The following MYH9 variants were observed in gnomAD, a reference collection of about 807,000 sequenced individuals.
MYH9 encodes the protein myosin heavy chain 9.
Under a neutral mutation model 241.9 loss-of-function variants are expected in MYH9, and 29 were observed. That is an observed-to-expected ratio of 0.12 (90% confidence interval 0.09 to 0.16). MYH9 has a LOEUF of 0.16. Among genes scored for constraint, MYH9 ranks in the 10% least tolerant of loss-of-function variants. The pLI is 1.00. For synonymous variants in MYH9, 1,047 were observed against 1,062.6 expected (o/e 0.99, Z 0.29); for missense variants, 1,803 against 2,595.5 (o/e 0.69, Z 6.63).
intron 1 of MYH9, among the ~76,000 whole-genome samples, chr22:36,353,354 C>T (rs1281328029): frequency 1.3e-5 from 2 of 152,150 alleles, no homozygotes; most frequent in Admixed American, 6.5e-5. Flanking sequence ...GGCTGTTAAA[C>T]AGCCTCTTTG....
rs759213357 is a variant in MYH9 at position 36,305,009 on chromosome 22, G to A, written c.2229+24C>T. ...AGACAAGGGGCTGCCCATCCAGAGA[G>A]GCAGGGACAGCAGCTCAACTCACCA... On this transcript the variant is annotated intron_variant, in intron 18 of 40. Transcript: ENST00000216181. The surrounding 1 kb of genome is among the most constrained non-coding windows in gnomAD (Gnocchi z 4.7). 1 of 1,610,708 alleles carries A rather than the reference G, an allele frequency of 6.2e-7. No individual in the cohort carries two copies.
intron 18 of MYH9, among the ~76,000 whole-genome samples, chr22:36,304,432 A>G (rs1419036640): frequency 6.6e-6 from 1 of 152,244 alleles, no homozygotes; most frequent in Non-Finnish European, 1.5e-5. Context: ...GATTCTTTAG[A>G]AAGAACGTGA....
At position 36,295,443 on chromosome 22, in the gene MYH9, C is replaced by T; in HGVS notation, c.3485+62G>A. Reference sequence around the variant, plus strand: ...GTGTGCAGAGGCCCGGGGTCCATGTCTCCAAGCCAAGGCCCCCCTGGCTGC... The same window carrying T: ...GTGTGCAGAGGCCCGGGGTCCATGTTTCCAAGCCAAGGCCCCCCTGGCTGC... On this transcript the variant is annotated intron_variant, in intron 26 of 40. Transcript: ENST00000216181. The surrounding 1 kb of genome is among the most constrained non-coding windows in gnomAD (Gnocchi z 4.1). 7.0e-7 allele frequency: 1 copy of T among 1,435,090 alleles called. No homozygotes were observed. The highest frequency in any genetic ancestry group is 9.7e-7 in the Non-Finnish European group (1 of 1,033,864). The allele number at this position is 1,435,090 out of a possible 1,614,324, so 88.9% of individuals were successfully genotyped here.
rs67602880 is a variant in MYH9, at chr22:36,332,661, TAAAAAA to T, written c.491-5179_491-5174del. ...TCCCCCTCCAGACACTCTGGATAAT[TAAAAAA>T]AAAAAAAAAAAAAAAAAAAAAAACC... is the stretch of plus-strand genomic sequence containing the variant. On this transcript the variant is annotated intron_variant, in intron 3 of 40. Coordinates refer to ENST00000216181, the MANE Select transcript of MYH9 (RefSeq NM_002473.6). 1.7e-3 allele frequency among the ~76,000 whole-genome samples: 74 copies of T among 44,502 alleles called. 1 individual carries two copies. The highest frequency in any genetic ancestry group is 6.2e-3 in the African/African-American group (62 of 10,070). 29.2% of individuals were successfully genotyped at this position (44,502 alleles called of 152,430 possible).
In MYH9 at chr22:36,349,095, CCTT is replaced by C. The variant is rs781590963; in HGVS notation, c.139_141del (p.Lys47del). On this transcript the variant is annotated inframe_deletion, in exon 2 of 41. Transcript: ENST00000216181. ...ACGATGGCCTCTTCGCCCACCTCCT[CCTT>C]GAGGCTGGCTGGCTCAAAGCCACTC... 9.3e-6 allele frequency: 15 copies of C among 1,614,136 alleles called. No homozygotes were observed. The highest frequency in any genetic ancestry group is 1.7e-5 in the Admixed American group (1 of 60,010).
chr22:36,316,451 A>C (rs1233065316), intron 12 of MYH9, 66 bp downstream of exon 12: 1 of 1,611,358 alleles, frequency 6.2e-7, no homozygotes, highest in Non-Finnish European at 8.5e-7. Flanking sequence ...CAGGGTTCTT[A>C]ACCAAGGATA....
At chr22:36,372,710 CA>C (rs1174350696) in intron 1 of MYH9, among the ~76,000 whole-genome samples, 1 of 152,078 alleles carries the variant, frequency 6.6e-6, no homozygotes, top group Non-Finnish European at 1.5e-5. Context: ...CTGCAACACA[CA>C]AGGGCAGCGG....
At chr22:36,332,221 C>T (rs1018872372) in intron 3 of MYH9, among the ~76,000 whole-genome samples, 6 of 152,354 alleles carry the variant, frequency 3.9e-5, no homozygotes, top group East Asian at 1.9e-4. Flanking sequence ...AGAAGCTCTG[C>T]TTCTCCACAG....
intron 2 of MYH9, among the ~76,000 whole-genome samples, chr22:36,344,642 C>T (rs553653577): frequency 4.2e-4 from 64 of 152,274 alleles, no homozygotes; most frequent in Admixed American, 9.1e-4. Context: ...AGCAAGGAAG[C>T]AAAAATGAGA....
At chr22:36,297,533 T>C (rs1438966535) in intron 24 of MYH9, among the ~76,000 whole-genome samples, 1 of 152,202 alleles carries the variant, frequency 6.6e-6, no homozygotes, top group Non-Finnish European at 1.5e-5. Context: ...AATGAGTTAC[T>C]ATCTTAAAAA....
At chr22:36,319,497 A>G in intron 10 of MYH9, 43 bp downstream of exon 10, 1 of 1,587,136 alleles carries the variant, frequency 6.3e-7, no homozygotes, top group South Asian at 1.1e-5. Flanking sequence ...TCCATGGCCA[A>G]GCACCTGCCC....
chr22:36,346,461 G>A (rs147420644), intron 2 of MYH9, among the ~76,000 whole-genome samples: 7 of 152,258 alleles, frequency 4.6e-5, no homozygotes, highest in Admixed American at 3.3e-4. Flanking sequence ...AAAATTAAAC[G>A]GCTGACCCTT....
chr22:36,283,055 C>G (rs1226885101), intron 40 of MYH9, among the ~76,000 whole-genome samples: 1 of 152,172 alleles, frequency 6.6e-6, no homozygotes, highest in African/African-American at 2.4e-5. Flanking sequence ...CAAACAGGAC[C>G]AATTACAACA....
chr22:36,341,866 A>G (rs186352248), intron 2 of MYH9, among the ~76,000 whole-genome samples: 1 of 152,360 alleles, frequency 6.6e-6, no homozygotes, highest in Non-Finnish European at 1.5e-5. Flanking sequence ...TCCGAGGACA[A>G]TGAGAGATGT....
intron 3 of MYH9, among the ~76,000 whole-genome samples, chr22:36,336,565 A>G (rs1020159266): frequency 2.0e-5 from 3 of 152,242 alleles, no homozygotes; most frequent in African/African-American, 7.2e-5. Flanking sequence ...GAACAGTCCA[A>G]TCCCCAAGGC....
intron 5 of MYH9, 130 bp downstream of exon 5, chr22:36,326,438 G>C: frequency 2.2e-6 from 2 of 907,034 alleles, no homozygotes; most frequent in Admixed American, 1.7e-5. Flanking sequence ...AATGGAAATG[G>C]GCCCAGCCTC....
chr22:36,292,377 A>C, intron 30 of MYH9, 143 bp from the exon 31 acceptor site: 2 of 1,092,808 alleles, frequency 1.8e-6, no homozygotes, highest in South Asian at 1.3e-5. Flanking sequence ...CGCCTCCCCC[A>C]GTCACTTCCC....
In MYH9 at chr22:36,301,671, A is replaced by G. The variant is rs1603483078; in HGVS notation, c.2500-6T>C. On this transcript the variant is annotated splice_region_variant and splice_polypyrimidine_tract_variant and intron_variant, in intron 20 of 40. Transcript: ENST00000216181. ...ACCTGCAGCAGCGGCTTGACCTGGG[A>G]GAGGAGATAGAGGTAGAGACATGCT... The G allele has an allele frequency of 1.9e-6, 3 of 1,612,680 alleles. No individual in the cohort carries two copies. Among genetic ancestry groups the G allele is most frequent in the Admixed American group, 3.3e-5 (2 of 60,014 alleles).
At position 36,289,247 on chromosome 22, in the gene MYH9, G is replaced by C. The variant is rs2146332224; in HGVS notation, c.4395C>G (p.Asp1465Glu). Residue 1465 changes from aspartate (D) to glutamate (E), a missense_variant, in exon 32 of 41, where the codon GAC becomes GAG. Around this residue, in one of 11 missense-constraint regions of MYH9, gnomAD observed 876 missense variants for 1,077.8 expected, o/e 0.81. Transcript: ENST00000216181. ...TISAKYAEER[D>E]RAEAEAREKE... The stretch of plus-strand genomic sequence containing the variant: ...TCTCTCGGGCCTCCGCCTCAGCCCG[G>C]TCGCGCTCCTCTGCATACTTGGCAG... 1 of 1,612,808 alleles carries C rather than the reference G, an allele frequency of 6.2e-7. No individual in the cohort carries two copies. The highest frequency in any genetic ancestry group is 8.5e-7 in the Non-Finnish European group (1 of 1,179,992).
Sources: gnomAD v4.1 joint callset for allele counts (sites outside exome capture counted in the v4.1 genomes callset) on GRCh38, gnomAD v4.1.1 for gene constraint, gnomAD v4.1.1 regional missense constraint, Gnocchi (gnomAD v3.1) non-coding constraint, MANE v1.5 for transcripts, NCBI Gene and HGNC (gene_info 2026-07-23, HGNC 2026-07-21) for gene names.